The following LHFPL6 variants were observed in gnomAD, a reference collection of about 807,000 sequenced individuals.
The protein encoded by LHFPL6 is LHFPL tetraspan subfamily member 6 protein.
A neutral mutation model predicts 20.6 loss-of-function variants in LHFPL6; 9 were observed. The ratio of observed to expected loss-of-function variants is 0.44; its 90% confidence interval spans 0.26 to 0.76. The LOEUF is 0.76. Among genes scored for constraint, LHFPL6 ranks in the 30% least tolerant of loss-of-function variants. LHFPL6 has a pLI of 0.20. For synonymous variants in LHFPL6, 105 were observed against 98.7 expected, an observed-to-expected ratio of 1.06 and a Z score of -0.38; for missense variants, 218 against 253.5, an observed-to-expected ratio of 0.86 and a Z score of 0.95.
rs1871221781 is a variant in LHFPL6, at chr13:39,553,931, C to T, written c.385+46901G>A. Among the ~76,000 whole-genome samples, 4 of 152,308 alleles carry T rather than the reference C, an allele frequency of 2.6e-5. No homozygotes were observed. In the South Asian group the frequency reaches 8.3e-4, roughly 32 times the overall value. On this transcript the variant is annotated intron_variant, in intron 2 of 3. Transcript: ENST00000379589. ...TCAGACTAACCTAAGCCAGCCCAGACCTGATGAACCACCCCACCAACCCAT... is the reference window on the plus strand; with the variant it reads ...TCAGACTAACCTAAGCCAGCCCAGATCTGATGAACCACCCCACCAACCCAT...
At chr13:39,432,738 T>G (rs1014948821) in intron 2 of LHFPL6, among the ~76,000 whole-genome samples, 5 of 152,180 alleles carry the variant, frequency 3.3e-5, no homozygotes, top group Non-Finnish European at 7.4e-5. Flanking sequence ...ACTCCCAAAA[T>G]GTAAGCCCCA....
intron 2 of LHFPL6, among the ~76,000 whole-genome samples, chr13:39,593,932 G>T (rs1366166045): frequency 6.6e-6 from 1 of 152,156 alleles, no homozygotes; most frequent in African/African-American, 2.4e-5. Context: ...GCTGAAACTG[G>T]ATCCCTTCCT....
chr13:39,589,431 A>C (rs1213351976), intron 2 of LHFPL6, among the ~76,000 whole-genome samples: 2 of 152,138 alleles, frequency 1.3e-5, no homozygotes, highest in East Asian at 3.9e-4. Flanking sequence ...ATTTTTTAAA[A>C]ACTAGATCCC....
At chr13:39,554,013 T>C (rs190810544) in intron 2 of LHFPL6, among the ~76,000 whole-genome samples, 32 of 152,344 alleles carry the variant, frequency 2.1e-4, no homozygotes, top group Admixed American at 1.8e-3. Context: ...AATTTTGAGG[T>C]GGCTTGTTAT....
chr13:39,398,636 C>T (rs532022510), intron 2 of LHFPL6, among the ~76,000 whole-genome samples: 44 of 152,298 alleles, frequency 2.9e-4, no homozygotes, highest in African/African-American at 1.0e-3. Flanking sequence ...GTGCCACCAG[C>T]CTCTAAAACA....
intron 2 of LHFPL6, among the ~76,000 whole-genome samples, chr13:39,584,582 G>T (rs1872390164): frequency 1.3e-5 from 2 of 149,676 alleles, no homozygotes; most frequent in African/African-American, 2.5e-5. Flanking sequence ...TATCTAGTGT[G>T]TACCAGGGTA....
chr13:39,504,171 A>G (rs2138466899), intron 2 of LHFPL6, among the ~76,000 whole-genome samples: 1 of 152,290 alleles, frequency 6.6e-6, no homozygotes, highest in Non-Finnish European at 1.5e-5. Flanking sequence ...TGTAGCACAG[A>G]ATAATGTTTT....
chr13:39,455,277 G>A (rs1363338580), intron 2 of LHFPL6, among the ~76,000 whole-genome samples: 1 of 152,122 alleles, frequency 6.6e-6, no homozygotes, highest in Non-Finnish European at 1.5e-5. Flanking sequence ...CTACAGCCGG[G>A]CCGGCGGCAA....
chr13:39,587,080 C>A (rs1191727303), intron 2 of LHFPL6, among the ~76,000 whole-genome samples: 2 of 152,080 alleles, frequency 1.3e-5, no homozygotes, highest in Non-Finnish European at 2.9e-5. Flanking sequence ...TTGCTTTAAC[C>A]CAGGTGGCAG....
chr13:39,362,665 T>C (rs9548746), intron 3 of LHFPL6, among the ~76,000 whole-genome samples: 151,395 of 152,346 alleles, frequency 0.99, 75,233 homozygotes, highest in East Asian at 1. Flanking sequence ...TCTTACACTC[T>C]GTGTGGCTCT....
intron 2 of LHFPL6, among the ~76,000 whole-genome samples, chr13:39,560,517 T>TTTC (rs1871440235): frequency 6.9e-6 from 1 of 144,280 alleles, no homozygotes; most frequent in African/African-American, 2.6e-5. Context: ...TTTTTTTTTT[T>TTTC]TTTTTTTCTT....
intron 2 of LHFPL6, among the ~76,000 whole-genome samples, chr13:39,566,766 T>A (rs1162120925): frequency 6.7e-6 from 1 of 149,172 alleles, no homozygotes; most frequent in African/African-American, 2.5e-5. Flanking sequence ...AAAAATTTGC[T>A]TTAAAGGGCA....
In LHFPL6 at chr13:39,603,115, C is replaced by A. The variant is rs930928170; in HGVS notation, c.-407G>T. The A allele has an allele frequency of 6.6e-6, 1 of 152,302 alleles. No homozygotes were observed. The highest frequency in any genetic ancestry group is 1.5e-5 in the Non-Finnish European group (1 of 68,138). The allele number at this position is 152,302 out of a possible 1,614,324, so 9.4% of individuals were successfully genotyped here. A position where few individuals can be genotyped will look rare whatever the true frequency, so the allele number is the denominator to read the frequency against. On this transcript the variant is annotated 5_prime_UTR_variant, in exon 1 of 4. Coordinates refer to ENST00000379589, the MANE Select transcript of LHFPL6 (RefSeq NM_005780.3). ...GCGGAGACCCCCACTCCCGGCGAGT[C>A]CGCGGCGGCAGCTCTGGCGGAGCGC...
intron 2 of LHFPL6, among the ~76,000 whole-genome samples, chr13:39,586,963 C>A (rs1872467184): frequency 6.6e-6 from 1 of 152,110 alleles, no homozygotes; most frequent in African/African-American, 2.4e-5. Flanking sequence ...TCAAGACCAG[C>A]CTGACCAGCA....
At chr13:39,495,406 TATG>T (rs1295437257) in intron 2 of LHFPL6, among the ~76,000 whole-genome samples, 1 of 152,242 alleles carries the variant, frequency 6.6e-6, no homozygotes, top group Non-Finnish European at 1.5e-5. Context: ...TAATTCATTT[TATG>T]ATAATACCTT....
chr13:39,581,904 A>C (rs187588238), intron 2 of LHFPL6, among the ~76,000 whole-genome samples: 24 of 152,284 alleles, frequency 1.6e-4, no homozygotes, highest in Admixed American at 3.3e-4. Context: ...AAAATGTCAA[A>C]ATTCAAAAGC....
At chr13:39,569,874 C>A (rs1464117412) in intron 2 of LHFPL6, among the ~76,000 whole-genome samples, 1 of 152,088 alleles carries the variant, frequency 6.6e-6, no homozygotes, top group African/African-American at 2.4e-5. Context: ...GCTAACAATT[C>A]GAAACGTTTT....
At chr13:39,506,974 A>G (rs9315693) in intron 2 of LHFPL6, among the ~76,000 whole-genome samples, 130,523 of 152,134 alleles carry the variant, frequency 0.86, 57,365 homozygotes, top group Non-Finnish European at 0.95. Context: ...GAAAAACTGC[A>G]AATTTTTTTG....
At chr13:39,427,879 A>T (rs73458866) in intron 2 of LHFPL6, among the ~76,000 whole-genome samples, 4,295 of 152,312 alleles carry the variant, frequency 0.028, 177 homozygotes, top group African/African-American at 0.091. Flanking sequence ...ATCTTAGTTA[A>T]TTTGATAGAG....
Sources: allele counts gnomAD v4.1 joint callset (sites outside exome capture counted in the v4.1 genomes callset), GRCh38; gene constraint gnomAD v4.1.1; transcripts MANE v1.5; gene names NCBI Gene and HGNC (gene_info 2026-07-23, HGNC 2026-07-21).